Variants in ZNF479 observed in about 807,000 individuals in gnomAD.
ZNF479 encodes the protein zinc finger protein 479.
Under a neutral mutation model 14.7 loss-of-function variants are expected in ZNF479, and 15 were observed. The observed-to-expected ratio is 1.02, with a 90% CI of 0.68 to 1.57. The LOEUF (loss-of-function observed/expected upper bound fraction) is 1.57, where lower values mean the gene tolerates loss of function less well. Among genes scored for constraint, ZNF479 ranks in the 40% most tolerant of loss-of-function variants. The probability of loss-of-function intolerance (pLI) is 0.00; values close to 1 mark genes in which losing one functional copy is unlikely to be tolerated. For missense variants in ZNF479, 506 were observed against 615.1 expected, an observed-to-expected ratio of 0.82 and a Z score of 1.88; for synonymous variants, 145 against 211.5, an observed-to-expected ratio of 0.69 and a Z score of 2.73.
At chr7:57,138,633 A>G (rs561214424) in intron 1 of ZNF479, among the ~76,000 whole-genome samples, 10 of 152,356 alleles carry the variant, frequency 6.6e-5, no homozygotes, top group African/African-American at 2.4e-4. Context: ...GCTTAGGCCA[A>G]AAAATACAGT....
At position 57,126,030 on chromosome 7, in the gene ZNF479, C is replaced by A. The variant is rs1336892342; in HGVS notation, c.250G>T (p.Ala84Ser). 2 of 1,604,156 alleles carry A rather than the reference C, an allele frequency of 1.2e-6. No homozygotes were observed. The highest frequency in any genetic ancestry group is 1.7e-5 in the Admixed American group (1 of 59,948). ...SQNIKRNEMV[A>S]KHPVTRSHFT... ...CGCTCTCACCTACCTGGGTGTTTGG[C>A]TACCATCTCATTTCTCTTTATATTC... The change falls in exon 3 of 4, where the codon GCC becomes TCC. Residue 84 changes from alanine to serine, a missense_variant. Transcript: ENST00000319636.
At chr7:57,127,552 T>C (rs1786227966) in intron 1 of ZNF479, 2 of 984,794 alleles carry the variant, frequency 2.0e-6, no homozygotes, top group Non-Finnish European at 1.2e-6. Context: ...TTTTGTCAAA[T>C]ATCCAGTAAA....
Position 57,120,881 on chromosome 7 carries a change from T to A in ZNF479, c.534A>T (p.Arg178Ser). ...KFSNSNRDKTRYTGNKHFKCN... is the reference protein window; with the variant it reads ...KFSNSNRDKTSYTGNKHFKCN... ...ATTTGAAATGTTTATTTCCAGTATA[T>A]CTTGTTTTATCTCTATTGGAATTTG... is the stretch of plus-strand genomic sequence containing the variant. Residue 178 changes from arginine to serine, a missense_variant, in exon 4 of 4, where the codon AGA (arginine) becomes AGT (serine). By Grantham distance (110) the Arg-to-Ser change is moderately radical. Coordinates refer to ENST00000319636, the MANE Select transcript of ZNF479 (RefSeq NM_001370129.2). 1 of 1,613,942 alleles carries A rather than the reference T, an allele frequency of 6.2e-7. No individual in the cohort carries two copies. The highest frequency in any genetic ancestry group is 2.2e-5 in the East Asian group (1 of 44,870).
rs577084403 is a variant in ZNF479 at position 57,132,369 on chromosome 7, C to T, written c.-45G>A. The T allele has an allele frequency of 2.2e-5, 35 of 1,613,982 alleles. No homozygotes were observed. The East Asian group carries it at 7.1e-4, about 33-fold the overall frequency. The stretch of plus-strand genomic sequence containing the variant: ...GGACACAAGGACACATAGGCTTGGC[C>T]TCTAGGAGCAGAGGACACAGAGCAG... On this transcript the variant is annotated 5_prime_UTR_variant, in exon 1 of 4. Coordinates refer to ENST00000319636, the MANE Select transcript of ZNF479 (RefSeq NM_001370129.2).
rs1785777380 is a variant in ZNF479, at chr7:57,118,661, C to A, written c.*1179G>T. Among the ~76,000 whole-genome samples the A allele has an allele frequency of 6.6e-6, 1 of 152,184 alleles. No individual in the cohort carries two copies. The highest frequency in any genetic ancestry group is 1.5e-5 in the Non-Finnish European group (1 of 68,024). Reference sequence around the variant, plus strand: ...CTGGAATTATAGGCATGAGCCAACACACCTGACCTATAATCCCTTTATTAA... The same window carrying A: ...CTGGAATTATAGGCATGAGCCAACAAACCTGACCTATAATCCCTTTATTAA... On this transcript the variant is annotated 3_prime_UTR_variant, in exon 4 of 4. Coordinates refer to ENST00000319636, the MANE Select transcript of ZNF479 (RefSeq NM_001370129.2).
At chr7:57,136,592 T>C (rs1488334559), upstream of ZNF479, among the ~76,000 whole-genome samples, 1 of 152,200 alleles carries the variant, frequency 6.6e-6, no homozygotes, top group African/African-American at 2.4e-5. Context: ...AAAATGATCT[T>C]GAGCAGTTAA....
At chr7:57,135,973 A>ATCTCTCTCTCTCTCTCTCTCTCTCTC (rs57853604), upstream of ZNF479, among the ~76,000 whole-genome samples, 11 of 125,318 alleles carry the variant, frequency 8.8e-5, no homozygotes, top group African/African-American at 2.0e-4. Context: ...CTCTCTCTCA[A>ATCTCTCTCTCTCTCTCTCTCTCTCTC]TCTCTCTCTC....
chr7:57,132,251 C>T (rs377485597), intron 1 of ZNF479, 35 bp downstream of exon 1: 15 of 1,613,918 alleles, frequency 9.3e-6, no homozygotes, highest in African/African-American at 1.3e-5. Flanking sequence ...AATCAGCCCC[C>T]ACCCCTCTCT....
Position 57,120,513 on chromosome 7 carries a change from T to C in ZNF479, c.902A>G (p.Glu301Gly). The C allele has an allele frequency of 6.2e-7, 1 of 1,612,798 alleles. No homozygotes were observed. The highest frequency in any genetic ancestry group is 8.5e-7 in the Non-Finnish European group (1 of 1,179,780). ...HTGERPYKCE[E>G]CGKAFSVSST... ...GGATACGCTAAAGGCTTTGCCACATTCTTCACATTTGTAGGGTCTCTCTCC... is the reference window on the plus strand; with the variant it reads ...GGATACGCTAAAGGCTTTGCCACATCCTTCACATTTGTAGGGTCTCTCTCC... Residue 301 changes from glutamate to glycine, a missense_variant, in exon 4 of 4, where the codon GAA becomes GGA. By Grantham distance (98) the Glu-to-Gly change is moderately conservative. Around this residue, in one of 3 missense-constraint regions of ZNF479, gnomAD observed 420 missense variants for 474.2 expected, o/e 0.89. Coordinates refer to ENST00000319636, the MANE Select transcript of ZNF479 (RefSeq NM_001370129.2).
upstream of ZNF479, among the ~76,000 whole-genome samples, chr7:57,137,261 G>A (rs942237364): frequency 9.2e-5 from 14 of 152,052 alleles, no homozygotes; most frequent in African/African-American, 2.4e-4. Flanking sequence ...ACAGCCTTCC[G>A]AGTAGCTGGG....
chr7:57,118,597 C>G lies in ZNF479; in HGVS notation c.*1243G>C, dbSNP rs1407404226. On this transcript the variant is annotated 3_prime_UTR_variant, in exon 4 of 4. Coordinates refer to ENST00000319636, the MANE Select transcript of ZNF479 (RefSeq NM_001370129.2). ...ATGTTGGCCAGGCTGGTCTTGAACTCCTGACCTCATGATCCACCGACCTTG... is the reference window on the plus strand; with the variant it reads ...ATGTTGGCCAGGCTGGTCTTGAACTGCTGACCTCATGATCCACCGACCTTG... Among the ~76,000 whole-genome samples the G allele has an allele frequency of 6.6e-6, 1 of 152,126 alleles. No homozygotes were observed. The highest frequency in any genetic ancestry group is 1.9e-4 in the East Asian group (1 of 5,194).
chr7:57,122,327 C>T (rs1332024923), intron 3 of ZNF479, among the ~76,000 whole-genome samples: 3 of 137,114 alleles, frequency 2.2e-5, no homozygotes, highest in Non-Finnish European at 5.0e-5. Flanking sequence ...AAATAAAACT[C>T]TTCCAGAATG....
intron 1 of ZNF479, among the ~76,000 whole-genome samples, chr7:57,139,272 TC>T (rs1184570002): frequency 7.9e-5 from 12 of 152,094 alleles, no homozygotes; most frequent in Middle Eastern, 3.2e-3. Context: ...GAATTATGAC[TC>T]TCATATGTGA....
At chr7:57,135,972 A>AGTCT (rs1562853618), upstream of ZNF479, among the ~76,000 whole-genome samples, 1 of 47,966 alleles carries the variant, frequency 2.1e-5, no homozygotes, top group African/African-American at 1.0e-4. Context: ...TCTCTCTCTC[A>AGTCT]ATCTCTCTCT....
chr7:57,124,547 G>A (rs1786076549), intron 3 of ZNF479, among the ~76,000 whole-genome samples: 1 of 152,146 alleles, frequency 6.6e-6, no homozygotes, highest in African/African-American at 2.4e-5. Context: ...ATTGGTCTTG[G>A]CACATTTTCT....
intron 1 of ZNF479, among the ~76,000 whole-genome samples, chr7:57,129,606 A>T (rs1054841156): frequency 7.9e-5 from 12 of 152,176 alleles, no homozygotes; most frequent in Non-Finnish European, 1.2e-4. Flanking sequence ...ACCTGTACAC[A>T]TGTACTAATA....
chr7:57,120,223 T>C lies in ZNF479; in HGVS notation c.1192A>G (p.Ile398Val), dbSNP rs782006959. The part of the protein sequence containing the change: ...QDFRRSSALT[I>V]HKRIHTGERP... ...TCTCCAGTATGAATTCTCTTGTGGATAGTAAGTGCTGAGGAGCGCCTAAAG... is the reference window on the plus strand; with the variant it reads ...TCTCCAGTATGAATTCTCTTGTGGACAGTAAGTGCTGAGGAGCGCCTAAAG... The change falls in exon 4 of 4, where the codon ATC (isoleucine) becomes GTC (valine). Residue 398 changes from isoleucine (I) to valine (V), a missense_variant. Physicochemically the swap from Ile to Val is conservative, Grantham distance 29. Transcript: ENST00000319636. The C allele has an allele frequency of 1.1e-4, 174 of 1,610,858 alleles. No homozygotes were observed. Among genetic ancestry groups the C allele is most frequent in the Non-Finnish European group, 1.4e-4 (161 of 1,178,818 alleles).
chr7:57,135,153 C>T (rs1237176110), upstream of ZNF479, among the ~76,000 whole-genome samples: 1 of 152,090 alleles, frequency 6.6e-6, no homozygotes, highest in Admixed American at 6.6e-5. Context: ...TGGTGGCATA[C>T]CTGGGTAAAG....
In ZNF479 at chr7:57,120,408, C is replaced by A. The variant is rs373275999; in HGVS notation, c.1007G>T (p.Trp336Leu). ...RCEECGKAFS[W>L]SSNLTRHKRI... is the part of the protein sequence containing the mutation. ...CTTATGTCTAGTAAGGTTTGAGGACCAGCTAAAGGCTTTGCCACATTCCTC... is the reference window on the plus strand; with the variant it reads ...CTTATGTCTAGTAAGGTTTGAGGACAAGCTAAAGGCTTTGCCACATTCCTC... Residue 336 changes from tryptophan to leucine, a missense_variant, in exon 4 of 4, where the codon TGG becomes TTG. Coordinates refer to ENST00000319636, the MANE Select transcript of ZNF479 (RefSeq NM_001370129.2). The A allele has an allele frequency of 5.6e-5, 90 of 1,612,396 alleles. No individual in the cohort carries two copies. The highest frequency in any genetic ancestry group is 4.7e-4 in the East Asian group (21 of 44,730).
Sources: gnomAD v4.1 joint callset for allele counts (sites outside exome capture counted in the v4.1 genomes callset) on GRCh38, gnomAD v4.1.1 for gene constraint, gnomAD v4.1.1 regional missense constraint, MANE v1.5 for transcripts, NCBI Gene and HGNC (gene_info 2026-07-23, HGNC 2026-07-21) for gene names.